CAMK2D: variants seen among roughly 807,000 people sequenced by gnomAD.
The protein encoded by CAMK2D is calcium/calmodulin dependent protein kinase II delta, also known as calcium/calmodulin-dependent protein kinase type II subunit delta.
Under a neutral mutation model 84.0 loss-of-function variants are expected in CAMK2D, and 37 were observed. The ratio of observed to expected loss-of-function variants is 0.44; its 90% CI spans 0.34 to 0.58. CAMK2D has a LOEUF of 0.58. Ranked by LOEUF, CAMK2D falls within the 20% of genes least tolerant of loss-of-function variation. The pLI, the probability that CAMK2D is intolerant of heterozygous loss-of-function variation, is 0.02. For missense variants in CAMK2D, 448 were observed against 652.5 expected, an observed-to-expected ratio of 0.69 and a Z score of 3.41; for synonymous variants, 202 against 212.5, an observed-to-expected ratio of 0.95 and a Z score of 0.43.
intron 16 of CAMK2D, among the ~76,000 whole-genome samples, chr4:113,499,876 G>T (rs2098007639): frequency 6.6e-6 from 1 of 152,132 alleles, no homozygotes; most frequent in Non-Finnish European, 1.5e-5. Context: ...GTGTGCAGGG[G>T]CACTGAGAAG....
intron 8 of CAMK2D, among the ~76,000 whole-genome samples, chr4:113,523,841 C>CT (rs147601101): frequency 2.2e-4 from 34 of 151,342 alleles, no homozygotes; most frequent in East Asian, 7.8e-4. Flanking sequence ...TAAAACAGAT[C>CT]TTTTTTTTTG....
intron 2 of CAMK2D, among the ~76,000 whole-genome samples, chr4:113,669,340 A>G (rs1184421867): frequency 2.0e-5 from 3 of 152,140 alleles, no homozygotes; most frequent in Admixed American, 6.5e-5. Context: ...GCTAAGACCT[A>G]ATAGAAGTTT....
chr4:113,545,448 G>A (rs1560862229), intron 6 of CAMK2D, among the ~76,000 whole-genome samples: 2 of 152,068 alleles, frequency 1.3e-5, no homozygotes, highest in Admixed American at 1.3e-4. Context: ...GAATAGTAAA[G>A]GCAAGTTTTT....
At chr4:113,643,411 A>G (rs1455048408) in intron 3 of CAMK2D, among the ~76,000 whole-genome samples, 2 of 152,226 alleles carry the variant, frequency 1.3e-5, no homozygotes, top group African/African-American at 4.8e-5. Context: ...CTGGGTGCTC[A>G]TGCACCCAAA....
chr4:113,661,777 T>C lies in CAMK2D; in HGVS notation c.161-5A>G. The C allele has an allele frequency of 8.3e-7, 1 of 1,210,402 alleles. No individual in the cohort carries two copies. The highest frequency in any genetic ancestry group is 1.6e-5 in the African/African-American group (1 of 63,262). 75.0% of individuals were successfully genotyped at this position (1,210,402 alleles called of 1,614,324 possible). ...CTCTTTCTAGTTTCTGATGATCTGT[T>C]AAAAAAAAAAACAGAATAAGGCAAA... On this transcript the variant is annotated splice_region_variant and splice_polypyrimidine_tract_variant and intron_variant, in intron 2 of 20. Transcript: ENST00000511664.
At chr4:113,474,426 T>C (rs1273601161) in intron 16 of CAMK2D, among the ~76,000 whole-genome samples, 1 of 151,530 alleles carries the variant, frequency 6.6e-6, no homozygotes, top group Non-Finnish European at 1.5e-5. Context: ...AGAAAAAAAT[T>C]CAGACGTGGA....
At chr4:113,580,374 T>C (rs1253698067) in intron 4 of CAMK2D, among the ~76,000 whole-genome samples, 1 of 152,234 alleles carries the variant, frequency 6.6e-6, no homozygotes, top group Non-Finnish European at 1.5e-5. Flanking sequence ...AGTGCTACAA[T>C]ATATCAACCT....
chr4:113,645,182 A>G (rs1365049403), intron 3 of CAMK2D, among the ~76,000 whole-genome samples: 1 of 151,918 alleles, frequency 6.6e-6, no homozygotes, highest in Non-Finnish European at 1.5e-5. Flanking sequence ...ACGCCCAGCT[A>G]ATTTTTTGCA....
intron 4 of CAMK2D, among the ~76,000 whole-genome samples, chr4:113,595,531 C>T (rs1174325407): frequency 3.3e-5 from 5 of 151,314 alleles, no homozygotes; most frequent in African/African-American, 1.2e-4. Flanking sequence ...GGAGAGAAGA[C>T]TAACATTTTG....
chr4:113,494,630 G>GAGGC (rs1039362727), intron 16 of CAMK2D, among the ~76,000 whole-genome samples: 5 of 152,234 alleles, frequency 3.3e-5, no homozygotes, highest in African/African-American at 1.2e-4. Context: ...GGAGCCTACA[G>GAGGC]AGGCAGGCAG....
At chr4:113,695,765 T>C (rs1266495763) in intron 2 of CAMK2D, among the ~76,000 whole-genome samples, 2 of 152,078 alleles carry the variant, frequency 1.3e-5, no homozygotes, top group Non-Finnish European at 2.9e-5. Context: ...TTCAACCAAA[T>C]TTCAACCAAG....
chr4:113,683,059 C>G (rs1166458241), intron 2 of CAMK2D, among the ~76,000 whole-genome samples: 2 of 152,174 alleles, frequency 1.3e-5, no homozygotes, highest in Non-Finnish European at 2.9e-5. Context: ...CATCCAACAT[C>G]TGAAAACTGC....
At chr4:113,746,600 C>T (rs1339380286) in intron 2 of CAMK2D, among the ~76,000 whole-genome samples, 7 of 151,946 alleles carry the variant, frequency 4.6e-5, no homozygotes, top group Admixed American at 4.6e-4. Context: ...TTTCCCTTTT[C>T]CTGATCACAC....
chr4:113,515,047 G>A (rs1271971337), intron 10 of CAMK2D, 22 bp downstream of exon 10: 1 of 1,607,710 alleles, frequency 6.2e-7, no homozygotes, highest in Non-Finnish European at 8.5e-7. Context: ...AGTTCTTGAA[G>A]TTTTGGAGAA....
chr4:113,490,363 C>T (rs1331212898), intron 16 of CAMK2D, among the ~76,000 whole-genome samples: 2 of 140,486 alleles, frequency 1.4e-5, no homozygotes, highest in African/African-American at 2.9e-5. Context: ...CTACATATGG[C>T]TAGCCAGTTT....
chr4:113,622,994 C>T (rs894526658), intron 3 of CAMK2D, among the ~76,000 whole-genome samples: 3 of 152,048 alleles, frequency 2.0e-5, no homozygotes, highest in African/African-American at 4.8e-5. Context: ...TTTATATAGT[C>T]CATGAGCATA....
At chr4:113,705,181 G>T (rs1199639076) in intron 2 of CAMK2D, among the ~76,000 whole-genome samples, 2 of 150,182 alleles carry the variant, frequency 1.3e-5, no homozygotes, top group Non-Finnish European at 3.0e-5. Context: ...AAAAAAATTA[G>T]CCGGGCGTGG....
intron 16 of CAMK2D, among the ~76,000 whole-genome samples, chr4:113,490,289 G>T (rs1033411275): frequency 1.3e-5 from 2 of 149,578 alleles, no homozygotes; most frequent in Non-Finnish European, 3.0e-5. Context: ...TAACGTTTAA[G>T]TCTTTAATCC....
intron 4 of CAMK2D, among the ~76,000 whole-genome samples, chr4:113,561,580 C>T (rs1047001915): frequency 6.6e-6 from 1 of 152,148 alleles, no homozygotes; most frequent in African/African-American, 2.4e-5. Context: ...ACTAGTAGCT[C>T]ATTTCTAGTT....
Sources: gnomAD v4.1 joint callset for allele counts (sites outside exome capture counted in the v4.1 genomes callset) on GRCh38, gnomAD v4.1.1 for gene constraint, MANE v1.5 for transcripts, NCBI Gene and HGNC (gene_info 2026-07-23, HGNC 2026-07-21) for gene names.